PDCD6IP: variants seen among roughly 807,000 people sequenced by gnomAD.
The protein encoded by PDCD6IP is programmed cell death 6 interacting protein.
PDCD6IP carries 43 observed loss-of-function variants against 103.7 expected under a neutral mutation model. The observed-to-expected ratio is 0.41, with a 90% confidence interval of 0.32 to 0.53. The LOEUF is 0.53. Among genes scored for constraint, PDCD6IP ranks in the 20% least tolerant of loss-of-function variants. The pLI is 0.16. For missense variants in PDCD6IP, 871 were observed against 1,036.7 expected, an observed-to-expected ratio of 0.84 and a Z score of 2.20; for synonymous variants, 354 against 378.7, an observed-to-expected ratio of 0.93 and a Z score of 0.76.
intron 7 of PDCD6IP, among the ~76,000 whole-genome samples, chr3:33,834,904 C>T (rs1045704617): frequency 3.9e-5 from 6 of 152,088 alleles, no homozygotes; most frequent in African/African-American, 1.4e-4. Flanking sequence ...TATAATCTTA[C>T]ACTTTTTTTT....
At position 33,865,347 on chromosome 3, in the gene PDCD6IP, G is replaced by A. The variant is rs950125626; in HGVS notation, c.2349G>A (p.Ala783=). 18 of 1,600,358 alleles carry A rather than the reference G, an allele frequency of 1.1e-5. No individual in the cohort carries two copies. The highest frequency in any genetic ancestry group is 2.3e-5 in the East Asian group (1 of 43,328). ...CTCCAGTGGGGGCTGGGACTGCTGC[G>A]CCAGCTCCATCACAAACGCCTGGCT... ...APSPVGAGTA[A]PAPSQTPGSA... Residue 783 remains alanine (A), a synonymous_variant, in exon 17 of 18, where the codon GCG becomes GCA. Transcript: ENST00000307296.
At chr3:33,863,356 A>G (rs924276859) in intron 15 of PDCD6IP, among the ~76,000 whole-genome samples, 2 of 152,230 alleles carry the variant, frequency 1.3e-5, no homozygotes, top group Admixed American at 6.5e-5. Flanking sequence ...CTATGCTGCT[A>G]TTAAACACTA....
At chr3:33,847,778 C>G (rs769273684) in intron 12 of PDCD6IP, among the ~76,000 whole-genome samples, 8 of 152,094 alleles carry the variant, frequency 5.3e-5, no homozygotes, top group Non-Finnish European at 1.2e-4. Context: ...GTATTAAATA[C>G]CTAGGATCAC....
At chr3:33,857,478 A>G (rs988426676) in intron 15 of PDCD6IP, among the ~76,000 whole-genome samples, 2 of 152,226 alleles carry the variant, frequency 1.3e-5, no homozygotes, top group African/African-American at 4.8e-5. Context: ...TATTCTCCAT[A>G]TTAGTCTTAA....
At chr3:33,843,937 T>C (rs1292862723) in intron 10 of PDCD6IP, among the ~76,000 whole-genome samples, 175 bp from the exon 11 acceptor site, 1 of 151,758 alleles carries the variant, frequency 6.6e-6, no homozygotes, top group East Asian at 1.9e-4. Flanking sequence ...TATAAGACTT[T>C]TTGTTAAATG....
rs1254277462 is a variant in PDCD6IP, at chr3:33,798,855, G to C, written c.127G>C (p.Ala43Pro). 1 of 1,553,274 alleles carries C rather than the reference G, an allele frequency of 6.4e-7. No individual in the cohort carries two copies. The highest frequency in any genetic ancestry group is 8.7e-7 in the Non-Finnish European group (1 of 1,148,214). Residue 43 changes from alanine (A) to proline (P), a missense_variant, in exon 1 of 18, where the codon GCG becomes CCG. Around this residue, in one of 5 missense-constraint regions of PDCD6IP, gnomAD observed 114 missense variants for 106.7 expected, o/e 1.07. Transcript: ENST00000307296. ...GEEQAQYCRA[A>P]EELSKLRRAA... ...AGAGCAGGCCCAGTACTGCCGCGCGGCGGAGGAGCTCAGCAAGCTGCGCCG... is the reference window on the plus strand; with the variant it reads ...AGAGCAGGCCCAGTACTGCCGCGCGCCGGAGGAGCTCAGCAAGCTGCGCCG...
intron 7 of PDCD6IP, among the ~76,000 whole-genome samples, chr3:33,830,759 A>G (rs1161145291): frequency 6.6e-6 from 1 of 152,192 alleles, no homozygotes; most frequent in Non-Finnish European, 1.5e-5. Flanking sequence ...TTCAGAGGAC[A>G]GTTATTCTTT....
chr3:33,843,264 T>C (rs1489482346), intron 10 of PDCD6IP, among the ~76,000 whole-genome samples: 1 of 152,160 alleles, frequency 6.6e-6, no homozygotes, highest in African/African-American at 2.4e-5. Context: ...AGTATACCAG[T>C]TTGAGGGTGG....
chr3:33,821,777 A>G (rs1379830763), intron 3 of PDCD6IP, among the ~76,000 whole-genome samples, 178 bp from the exon 4 acceptor site: 1 of 152,246 alleles, frequency 6.6e-6, no homozygotes, highest in Non-Finnish European at 1.5e-5. Context: ...TGTTGTGGAA[A>G]TAAATGCCTG....
Position 33,844,185 on chromosome 3 carries a change from G to A in PDCD6IP, c.1433G>A (p.Arg478Lys). 6.2e-7 allele frequency: 1 copy of A among 1,604,282 alleles called. No individual in the cohort carries two copies. ...GCAAAATTTAAGGAACGTTGGCAAA[G>A]GACACCATCCAATGAACTGTATAAG... ...LRAKFKERWQRTPSNELYKPL... is the reference protein window; with the variant it reads ...LRAKFKERWQKTPSNELYKPL... Residue 478 changes from arginine to lysine, a missense_variant, in exon 11 of 18, where the codon AGG becomes AAG. By Grantham distance (26) the Arg-to-Lys change is conservative. Around this residue, in one of 5 missense-constraint regions of PDCD6IP, gnomAD observed 266 missense variants for 390.5 expected, o/e 0.68. Transcript: ENST00000307296.
intron 3 of PDCD6IP, among the ~76,000 whole-genome samples, chr3:33,816,435 G>A (rs1051483558): frequency 6.6e-6 from 1 of 150,564 alleles, no homozygotes; most frequent in African/African-American, 2.5e-5. Flanking sequence ...AACCTGAGAG[G>A]CAGAGGTTGC....
intron 9 of PDCD6IP, among the ~76,000 whole-genome samples, chr3:33,839,121 G>T: frequency 6.6e-6 from 1 of 152,092 alleles, no homozygotes; most frequent in South Asian, 2.1e-4. Context: ...AGTTAGTTTT[G>T]ATAAATGTAT....
At chr3:33,825,123 A>G (rs1697087456) in intron 4 of PDCD6IP, 64 bp from the exon 5 acceptor site, 6 of 1,369,446 alleles carry the variant, frequency 4.4e-6, no homozygotes, top group African/African-American at 2.9e-5. Flanking sequence ...TGACTTTTAT[A>G]TGTAACAGTA....
At position 33,865,436 on chromosome 3, in the gene PDCD6IP, G is replaced by A; in HGVS notation, c.2432+6G>A. On this transcript the variant is annotated splice_donor_region_variant and intron_variant, in intron 17 of 17. Coordinates refer to ENST00000307296, the MANE Select transcript of PDCD6IP (RefSeq NM_013374.6). ...ACCTATCCAGGATATCCTGGGTAAG[G>A]CTGCAACATTGTGTATCCCAAGTTG... The A allele has an allele frequency of 6.4e-7, 1 of 1,573,234 alleles. No homozygotes were observed. The highest frequency in any genetic ancestry group is 8.6e-7 in the Non-Finnish European group (1 of 1,163,792).
intron 13 of PDCD6IP, among the ~76,000 whole-genome samples, chr3:33,853,156 C>CTCGTG (rs1206193572): frequency 6.6e-6 from 1 of 152,282 alleles, no homozygotes; most frequent in East Asian, 1.9e-4. Flanking sequence ...ATCTCCTGAC[C>CTCGTG]TCGTGATCCT....
At position 33,825,175 on chromosome 3, in the gene PDCD6IP, T is replaced by C. The variant is rs776744780; in HGVS notation, c.463-12T>C. 6 of 1,600,810 alleles carry C rather than the reference T, an allele frequency of 3.7e-6. No homozygotes were observed. In the African/African-American group the frequency reaches 4.1e-5, roughly 11 times the overall value. On this transcript the variant is annotated splice_polypyrimidine_tract_variant and intron_variant, in intron 4 of 17. Transcript: ENST00000307296. ...TGAGTTCCTATAAAGAAATTCTTTT[T>C]CCCCCCTTTAGTTTGCTAGTGGTGC...
At chr3:33,811,398 A>C (rs1002170383) in intron 1 of PDCD6IP, among the ~76,000 whole-genome samples, 1 of 152,294 alleles carries the variant, frequency 6.6e-6, no homozygotes. Context: ...GGGGAAGTAT[A>C]AGGGAAAAAG....
At chr3:33,830,923 C>A (rs890168575) in intron 7 of PDCD6IP, among the ~76,000 whole-genome samples, 1 of 152,142 alleles carries the variant, frequency 6.6e-6, no homozygotes, top group Non-Finnish European at 1.5e-5. Context: ...GGAGGTCACA[C>A]TATTAAACCA....
intron 9 of PDCD6IP, among the ~76,000 whole-genome samples, chr3:33,841,346 C>T (rs1697465463): frequency 6.8e-6 from 1 of 147,204 alleles, no homozygotes; most frequent in Non-Finnish European, 1.5e-5. Flanking sequence ...GCTTTTAATT[C>T]TGAATTGTGG....
Sources: allele counts gnomAD v4.1 joint callset (sites outside exome capture counted in the v4.1 genomes callset), GRCh38; gene constraint gnomAD v4.1.1; regional missense constraint gnomAD v4.1.1; transcripts MANE v1.5; gene names NCBI Gene and HGNC (gene_info 2026-07-23, HGNC 2026-07-21).